PER3: variants seen among roughly 807,000 people sequenced by gnomAD.
PER3 encodes period circadian regulator 3.
Under a neutral mutation model 127.2 loss-of-function variants are expected in PER3, and 107 were observed. The observed-to-expected ratio is 0.84, with a 90% CI of 0.72 to 0.99. The LOEUF is 0.99. Ranked by LOEUF, PER3 falls within the 50% of genes least tolerant of loss-of-function variation. PER3 has a pLI of 0.00. For synonymous variants in PER3, 618 were observed against 585.8 expected, an observed-to-expected ratio of 1.05 and a Z score of -0.79; for missense variants, 1,560 against 1,525.8, an observed-to-expected ratio of 1.02 and a Z score of -0.37.
intron 6 of PER3, among the ~76,000 whole-genome samples, chr1:7,795,561 A>G (rs894930134): frequency 3.9e-5 from 6 of 152,218 alleles, no homozygotes; most frequent in Admixed American, 2.6e-4. Context: ...TGTTCCAGGC[A>G]GAGGGAGCAG....
chr1:7,798,980 G>A (rs2097158167), intron 7 of PER3, among the ~76,000 whole-genome samples: 1 of 152,270 alleles, frequency 6.6e-6, no homozygotes, highest in South Asian at 2.1e-4. Context: ...TGCTTGTGTT[G>A]TGTGAAATAA....
chr1:7,839,512 T>C (rs1264883182), intron 21 of PER3, among the ~76,000 whole-genome samples: 1 of 152,244 alleles, frequency 6.6e-6, no homozygotes, highest in Non-Finnish European at 1.5e-5. Context: ...TTCACACAGC[T>C]TCAGGTTACT....
rs766550147 is a variant in PER3 at position 7,808,997 on chromosome 1, A to T, written c.1241A>T (p.Gln414Leu). 4 of 1,406,966 alleles carry T rather than the reference A, an allele frequency of 2.8e-6. No homozygotes were observed. The highest frequency in any genetic ancestry group is 1.2e-5 in the South Asian group (1 of 84,854). The allele number at this position is 1,406,966 out of a possible 1,614,324, so 87.2% of individuals were successfully genotyped here. Residue 414 changes from glutamine to leucine, a missense_variant and splice_region_variant, in exon 11 of 22, where the codon CAG becomes CTG. Coordinates refer to ENST00000377532, the MANE Select transcript of PER3 (RefSeq NM_001377275.1). ...GAACAAATTTACAAACTTCTCTTAC[A>T]GGTAAGGTGAGATTGTTAAAAATGC... Reference protein sequence around the residue: ...LQEQIYKLLLQPVHVSVSSGY... With the variant: ...LQEQIYKLLLLPVHVSVSSGY...
chr1:7,797,873 G>A (rs556455206), intron 6 of PER3, among the ~76,000 whole-genome samples: 4 of 152,256 alleles, frequency 2.6e-5, no homozygotes, highest in African/African-American at 7.2e-5. Flanking sequence ...TGGTAACACC[G>A]GGTGATGATA....
intron 9 of PER3, 102 bp downstream of exon 9, chr1:7,803,255 A>G: frequency 1.3e-6 from 1 of 769,378 alleles, no homozygotes; most frequent in South Asian, 1.4e-5. Context: ...CCAGAGAGGC[A>G]TTACATTGAA....
In PER3 at chr1:7,843,761, C is replaced by G; in HGVS notation, c.*1006C>G. ...GACTGCAAAAGAGAAAACGTCCAGG[C>G]GAGCCCAGTTGTCCTCGCCCACAGG... is the stretch of plus-strand genomic sequence containing the variant. On this transcript the variant is annotated 3_prime_UTR_variant, in exon 22 of 22. Transcript: ENST00000377532. 1 of 277,930 alleles carries G rather than the reference C, an allele frequency of 3.6e-6. No homozygotes were observed. Among genetic ancestry groups the G allele is most frequent in the South Asian group, 6.0e-5 (1 of 16,744 alleles). 17.2% of individuals were successfully genotyped at this position (277,930 alleles called of 1,614,324 possible). A position where few individuals can be genotyped will look rare whatever the true frequency, so the allele number is the denominator to read the frequency against.
intron 4 of PER3, among the ~76,000 whole-genome samples, chr1:7,787,039 T>G (rs2097094916): frequency 6.6e-6 from 1 of 152,256 alleles, no homozygotes; most frequent in South Asian, 2.1e-4. Context: ...CCGTTCTGTG[T>G]GCTGTGCAGC....
At chr1:7,805,631 A>T (rs11121027) in intron 10 of PER3, among the ~76,000 whole-genome samples, 42,775 of 151,944 alleles carry the variant, frequency 0.28, 6,333 homozygotes, top group Middle Eastern at 0.47. Flanking sequence ...CCTTCTCCCC[A>T]CCCCATACCC....
Position 7,838,095 on chromosome 1 carries a change from AAG to A in PER3, c.3549+951_3549+952del, listed in dbSNP as rs1471999951. On this transcript the variant is annotated intron_variant, in intron 21 of 21. Transcript: ENST00000377532. ...TGTGTGTGTAAAAATATTTTTAAAA[AAG>A]AGAGTAAAGTTAGGTGTTAAAGTAT... is the stretch of plus-strand genomic sequence containing the variant. Among the ~76,000 whole-genome samples, 36 of 152,228 alleles carry A rather than the reference AAG, an allele frequency of 2.4e-4. 1 individual carries two copies. In the East Asian group the frequency reaches 2.5e-3, roughly 11 times the overall value.
At chr1:7,801,424 G>C (rs2097170213) in intron 8 of PER3, among the ~76,000 whole-genome samples, 1 of 152,140 alleles carries the variant, frequency 6.6e-6, no homozygotes, top group Non-Finnish European at 1.5e-5. Flanking sequence ...GCTTTAGGTA[G>C]GCCAAGAATT....
At chr1:7,790,775 C>G (rs1034743289) in intron 5 of PER3, among the ~76,000 whole-genome samples, 6 of 152,182 alleles carry the variant, frequency 3.9e-5, no homozygotes, top group Non-Finnish European at 5.9e-5. Flanking sequence ...TAAATACACC[C>G]ATTTCAAATG....
Position 7,829,522 on chromosome 1 carries a change from A to G in PER3, c.2887-312A>G, listed in dbSNP as rs1179794066. ...TAAGTAAAATAAATGTTACTTGAAC[A>G]CAAGCACTATGATACCACAGTAGAT... On this transcript the variant is annotated intron_variant, in intron 18 of 21. Coordinates refer to ENST00000377532, the MANE Select transcript of PER3 (RefSeq NM_001377275.1). Among the ~76,000 whole-genome samples the G allele has an allele frequency of 3.3e-5, 5 of 152,310 alleles. 1 individual carries two copies. The East Asian group carries it at 7.7e-4, about 23-fold the overall frequency.
In PER3 at chr1:7,843,731, G is replaced by T. The variant is rs2097401017; in HGVS notation, c.*976G>T. ...GTTTGCCCTTGAACAGGGCAGTGTT[G>T]TGGGGACTGCAAAAGAGAAAACGTC... On this transcript the variant is annotated 3_prime_UTR_variant, in exon 22 of 22. Transcript: ENST00000377532. 1 of 207,196 alleles carries T rather than the reference G, an allele frequency of 4.8e-6. No homozygotes were observed. The highest frequency in any genetic ancestry group is 2.4e-5 in the African/African-American group (1 of 42,232). 12.8% of individuals were successfully genotyped at this position (207,196 alleles called of 1,614,324 possible). A position where few individuals can be genotyped will look rare whatever the true frequency, so the allele number is the denominator to read the frequency against.
At chr1:7,815,430 A>G (rs1289266923) in intron 13 of PER3, among the ~76,000 whole-genome samples, 1 of 152,236 alleles carries the variant, frequency 6.6e-6, no homozygotes, top group East Asian at 1.9e-4. Context: ...GTATTATTAC[A>G]CAAAGTAAAC....
rs757843499 is a variant in PER3 at position 7,810,531 on chromosome 1, C to T, written c.1465C>T (p.Pro489Ser). Residue 489 changes from proline to serine, a missense_variant, in exon 13 of 22, where the codon CCA becomes TCA. By Grantham distance (74) the Pro-to-Ser change is moderately conservative. Around this residue, in one of 3 missense-constraint regions of PER3, gnomAD observed 1,332 missense variants for 1,223.6 expected, o/e 1.09. Transcript: ENST00000377532. ...GTCAATGACCAAATCATCATTCAAG[C>T]CAGTGACGGGGACACGCACAGAACC... ...IESMTKSSFK[P>S]VTGTRTEPNG... The T allele has an allele frequency of 1.9e-6, 3 of 1,613,598 alleles. No homozygotes were observed. Among genetic ancestry groups the T allele is most frequent in the Non-Finnish European group, 2.5e-6 (3 of 1,179,954 alleles).
chr1:7,841,465 C>T (rs930315675), intron 21 of PER3, among the ~76,000 whole-genome samples: 7 of 152,258 alleles, frequency 4.6e-5, no homozygotes, highest in Admixed American at 6.5e-5. Flanking sequence ...TCCAGGAATA[C>T]GTGCCTTGTC....
intron 16 of PER3, among the ~76,000 whole-genome samples, chr1:7,824,834 C>T (rs545731065): frequency 2.9e-4 from 44 of 152,198 alleles, no homozygotes; most frequent in African/African-American, 9.1e-4. Context: ...GGATGGGAAC[C>T]GGCACTATTC....
Position 7,798,672 on chromosome 1 carries a change from AG to A in PER3, c.793+1del. 6.2e-7 allele frequency: 1 copy of A among 1,612,248 alleles called. No individual in the cohort carries two copies. The highest frequency in any genetic ancestry group is 8.5e-7 in the Non-Finnish European group (1 of 1,178,278). Reference protein sequence around the residue: ...VVEKIHSGYEAPRIPVNKRIF... With the variant: ...VVEKIHSGYEXPRIPVNKRIF... ...TTGAAAAGATTCACTCTGGTTATGAAGGTAAGTCAGTAGATAAGATGCAGAA... is the reference window on the plus strand; with the variant it reads ...TTGAAAAGATTCACTCTGGTTATGAAGTAAGTCAGTAGATAAGATGCAGAA... On this transcript the variant is annotated frameshift_variant and splice_region_variant, in exon 7 of 22. Transcript: ENST00000377532. LOFTEE classifies it high-confidence loss of function.
chr1:7,804,533 T>C (rs975474785), intron 10 of PER3, among the ~76,000 whole-genome samples: 1 of 151,754 alleles, frequency 6.6e-6, no homozygotes, highest in Non-Finnish European at 1.5e-5. Context: ...CCCAAGTAGC[T>C]GGGCCCACAG....
Sources: allele counts gnomAD v4.1 joint callset (sites outside exome capture counted in the v4.1 genomes callset), GRCh38; gene constraint gnomAD v4.1.1; regional missense constraint gnomAD v4.1.1; transcripts MANE v1.5; gene names NCBI Gene and HGNC (gene_info 2026-07-23, HGNC 2026-07-21).